ANKS6: variants seen among roughly 807,000 people sequenced by gnomAD.
The protein encoded by ANKS6 is ankyrin repeat and SAM domain-containing protein 6.
A neutral mutation model predicts 77.9 loss-of-function variants in ANKS6; 47 were observed. The ratio of observed to expected loss-of-function variants is 0.60; its 90% CI spans 0.48 to 0.77. ANKS6 has a LOEUF of 0.77. Ranked by LOEUF, ANKS6 falls within the 30% of genes least tolerant of loss-of-function variation. The probability of loss-of-function intolerance (pLI) is 0.00; values close to 1 mark genes in which losing one functional copy is unlikely to be tolerated. For missense variants in ANKS6, 1,150 were observed against 1,159.1 expected (o/e 0.99, Z 0.11); for synonymous variants, 488 against 501.7 (o/e 0.97, Z 0.37).
At chr9:98,774,374 A>G (rs1056845196) in intron 8 of ANKS6, among the ~76,000 whole-genome samples, 2 of 152,056 alleles carry the variant, frequency 1.3e-5, no homozygotes, top group Admixed American at 6.5e-5. Flanking sequence ...GCTGTGGGGG[A>G]GGCAGGGGAA....
rs532279125 is a variant in ANKS6, at chr9:98,774,368, T to A, written c.1618-288A>T. 2.0e-5 allele frequency among the ~76,000 whole-genome samples: 3 copies of A among 152,014 alleles called. No individual in the cohort carries two copies. In the East Asian group the frequency reaches 5.8e-4, roughly 30 times the overall value. On this transcript the variant is annotated intron_variant, in intron 8 of 14. Transcript: ENST00000353234. ...AGAAGCAGATGATGTTGGTGTGCTGTGGGGGAGGCAGGGGAACTGGGAGAA... is the reference window on the plus strand; with the variant it reads ...AGAAGCAGATGATGTTGGTGTGCTGAGGGGGAGGCAGGGGAACTGGGAGAA...
At chr9:98,744,234 T>C (rs902140167) in intron 14 of ANKS6, among the ~76,000 whole-genome samples, 2 of 152,180 alleles carry the variant, frequency 1.3e-5, no homozygotes, top group Non-Finnish European at 2.9e-5. Context: ...GGGCATCCCT[T>C]TGAAGGATCA....
intron 13 of ANKS6, among the ~76,000 whole-genome samples, chr9:98,749,570 C>T (rs138192467): frequency 3.3e-4 from 51 of 152,280 alleles, no homozygotes; most frequent in South Asian, 1.7e-3. Flanking sequence ...CAAATGTCAC[C>T]CTATGAGCCA....
In ANKS6 at chr9:98,791,427, A is replaced by C. The variant is rs988898986; in HGVS notation, c.360-821T>G. ...CAATGAAGTCACTGCTGGGCCCCTG[A>C]AGAGAAAGATCTGCACCCACCAACT... On this transcript the variant is annotated intron_variant, in intron 1 of 14. Coordinates refer to ENST00000353234, the MANE Select transcript of ANKS6 (RefSeq NM_173551.5). The surrounding 1 kb of genome is among the most constrained non-coding windows in gnomAD (Gnocchi z 4.3). Among the ~76,000 whole-genome samples, 3 of 152,146 alleles carry C rather than the reference A, an allele frequency of 2.0e-5. No homozygotes were observed. Among genetic ancestry groups the C allele is most frequent in the Admixed American group, 2.0e-4 (3 of 15,278 alleles).
chr9:98,758,935 A>G (rs1832863936), intron 11 of ANKS6, among the ~76,000 whole-genome samples: 1 of 152,196 alleles, frequency 6.6e-6, no homozygotes, highest in African/African-American at 2.4e-5. Flanking sequence ...TTAGCCTAAT[A>G]TCCACTCAAC....
At chr9:98,763,384 A>C (rs1189365518) in intron 11 of ANKS6, among the ~76,000 whole-genome samples, 2 of 152,124 alleles carry the variant, frequency 1.3e-5, no homozygotes, top group Non-Finnish European at 2.9e-5. Context: ...TACATTTCTA[A>C]ATAATCAATG....
chr9:98,784,647 G>A (rs1834465981), intron 3 of ANKS6, among the ~76,000 whole-genome samples, 185 bp downstream of exon 3: 1 of 152,122 alleles, frequency 6.6e-6, no homozygotes, highest in Admixed American at 6.6e-5. Context: ...GCCGTCTGGA[G>A]TCTATGTGTA....
intron 11 of ANKS6, among the ~76,000 whole-genome samples, chr9:98,758,868 T>A (rs1475709404): frequency 3.9e-5 from 6 of 152,196 alleles, no homozygotes; most frequent in Non-Finnish European, 8.8e-5. Flanking sequence ...GCCCATATCC[T>A]GGTAAGAAAA....
In ANKS6 at chr9:98,756,422, T is replaced by G; in HGVS notation, c.2324A>C (p.Glu775Ala). ...TTTCAGGCCCTCAGGGGACTCACCC[T>G]CATCTGTGATGGTGCCACTGCTGGA... ...GGSSSGTITD[E>A]DELTGILKKL... Residue 775 changes from glutamate to alanine, a missense_variant and splice_region_variant, in exon 12 of 15, where the codon GAG (glutamate) becomes GCG (alanine). Physicochemically the swap from Glu to Ala is moderately radical, Grantham distance 107 (BLOSUM62 -1). Transcript: ENST00000353234. The G allele has an allele frequency of 6.2e-7, 1 of 1,612,706 alleles. No homozygotes were observed. Among genetic ancestry groups the G allele is most frequent in the Non-Finnish European group, 8.5e-7 (1 of 1,179,324 alleles).
intron 7 of ANKS6, 23 bp downstream of exon 7, chr9:98,778,203 C>T: frequency 6.2e-7 from 1 of 1,613,080 alleles, no homozygotes; most frequent in South Asian, 1.1e-5. Context: ...AAAAATTCTA[C>T]TGCACATGCA....
intron 14 of ANKS6, among the ~76,000 whole-genome samples, chr9:98,742,267 AG>A (rs2131927157): frequency 6.6e-6 from 1 of 152,368 alleles, no homozygotes; most frequent in African/African-American, 2.4e-5. Context: ...TTAAAGAGGC[AG>A]GAACCCTTGA....
At chr9:98,779,981 C>G (rs1834148437) in intron 6 of ANKS6, among the ~76,000 whole-genome samples, 1 of 152,198 alleles carries the variant, frequency 6.6e-6, no homozygotes, top group Non-Finnish European at 1.5e-5. Context: ...CACATTCTTA[C>G]AAAGCAGCCA....
chr9:98,794,417 C>G (rs928455525), intron 1 of ANKS6, among the ~76,000 whole-genome samples: 1 of 152,134 alleles, frequency 6.6e-6, no homozygotes, highest in African/African-American at 2.4e-5. Flanking sequence ...TTTGCCTACC[C>G]CGATGTGAGG....
At chr9:98,768,720 C>A (rs1332297248) in intron 10 of ANKS6, among the ~76,000 whole-genome samples, 1 of 152,206 alleles carries the variant, frequency 6.6e-6, no homozygotes, top group Admixed American at 6.5e-5. Flanking sequence ...ACTCTCACGA[C>A]TGAGTCAATA....
chr9:98,786,535 C>T (rs969924638), intron 2 of ANKS6, among the ~76,000 whole-genome samples: 3 of 151,836 alleles, frequency 2.0e-5, no homozygotes, highest in African/African-American at 7.3e-5. Context: ...CGTGATTCAC[C>T]CACCTCCGCC....
intron 12 of ANKS6, 88 bp downstream of exon 12, chr9:98,756,332 T>C (rs1357257830): frequency 1.4e-6 from 2 of 1,429,284 alleles, no homozygotes; most frequent in Non-Finnish European, 9.5e-7. Context: ...AGGATGGTTA[T>C]AGCAATTAAG....
At chr9:98,785,688 T>C (rs1191662138) in intron 2 of ANKS6, among the ~76,000 whole-genome samples, 3 of 152,158 alleles carry the variant, frequency 2.0e-5, no homozygotes, top group Non-Finnish European at 4.4e-5. Context: ...CTGCAGCCTT[T>C]AATTGATCCC....
At chr9:98,737,198 CT>C (rs1831546645) in intron 14 of ANKS6, among the ~76,000 whole-genome samples, 1 of 152,196 alleles carries the variant, frequency 6.6e-6, no homozygotes, top group Non-Finnish European at 1.5e-5. Flanking sequence ...AACATCATCA[CT>C]GCATTCCAGG....
intron 12 of ANKS6, among the ~76,000 whole-genome samples, chr9:98,753,123 T>C (rs1290153305): frequency 2.0e-5 from 3 of 152,286 alleles, no homozygotes; most frequent in South Asian, 2.1e-4. Context: ...AAAGGATTTA[T>C]AGCACACAAT....
Sources: allele counts gnomAD v4.1 joint callset (sites outside exome capture counted in the v4.1 genomes callset), GRCh38; gene constraint gnomAD v4.1.1; non-coding constraint Gnocchi (gnomAD v3.1); transcripts MANE v1.5; gene names NCBI Gene and HGNC (gene_info 2026-07-23, HGNC 2026-07-21).